Variants in SLC5A4 observed in about 807,000 individuals in gnomAD.
SLC5A4 encodes probable glucose sensor protein SLC5A4.
A neutral mutation model predicts 70.3 loss-of-function variants in SLC5A4; 55 were observed. The observed-to-expected ratio is 0.78, with a 90% confidence interval of 0.63 to 0.98. The LOEUF (loss-of-function observed/expected upper bound fraction) is 0.98, where lower values mean the gene tolerates loss of function less well. Ranked by LOEUF, SLC5A4 falls within the 50% of genes least tolerant of loss-of-function variation. The probability of loss-of-function intolerance (pLI) is 0.00; values close to 1 mark genes in which losing one functional copy is unlikely to be tolerated. For missense variants in SLC5A4, 735 were observed against 839.2 expected, an observed-to-expected ratio of 0.88 and a Z score of 1.53; for synonymous variants, 268 against 305.7, an observed-to-expected ratio of 0.88 and a Z score of 1.29.
At chr22:32,278,443 A>G in the SLC5A4 span, among the ~76,000 whole-genome samples, 1 of 152,284 alleles carries the variant, frequency 6.6e-6, no homozygotes, top group Non-Finnish European at 1.5e-5. Context: ...TTCAAAGTTA[A>G]TAGAATATAT....
At chr22:32,313,854 TGAAG>T in the SLC5A4 span, among the ~76,000 whole-genome samples, 1 of 152,276 alleles carries the variant, frequency 6.6e-6, no homozygotes, top group East Asian at 1.9e-4. Flanking sequence ...TGCATGAGAA[TGAAG>T]GATGCTCACT....
chr22:32,252,411 A>G (rs578125711), intron 2 of SLC5A4, among the ~76,000 whole-genome samples: 1 of 152,266 alleles, frequency 6.6e-6, no homozygotes, highest in Admixed American at 6.5e-5. Context: ...TAAACAATCT[A>G]AGTAAGCATA....
the SLC5A4 span, among the ~76,000 whole-genome samples, chr22:32,286,439 T>A: frequency 6.6e-6 from 1 of 152,196 alleles, no homozygotes; most frequent in African/African-American, 2.4e-5. Context: ...AAGATGAAAG[T>A]AGTTGGATCC....
chr22:32,274,019 G>C, the SLC5A4 span, among the ~76,000 whole-genome samples: 1 of 151,668 alleles, frequency 6.6e-6, no homozygotes, highest in Admixed American at 6.6e-5. Flanking sequence ...GCCACTTTTG[G>C]CATGTTAACA....
At position 32,220,940 on chromosome 22, in the gene SLC5A4, G is replaced by C; in HGVS notation, c.1748C>G (p.Thr583Arg). 6.2e-7 allele frequency: 1 copy of C among 1,612,062 alleles called. No individual in the cohort carries two copies. The highest frequency in any genetic ancestry group is 1.1e-5 in the South Asian group (1 of 91,034). The part of the protein sequence containing the change: ...IDAEEKSQEE[T>R]DDGVEEDYPE... Reference sequence around the variant, plus strand: ...ATTACCTTCTTCAACACCATCATCTGTTTCTTCCTGACTTTTCTCTTCTGC... The same window carrying C: ...ATTACCTTCTTCAACACCATCATCTCTTTCTTCCTGACTTTTCTCTTCTGC... The change falls in exon 14 of 15, where the codon ACA becomes AGA. Residue 583 changes from threonine to arginine, a missense_variant. Thr to Arg is a moderately conservative substitution (Grantham distance 71, BLOSUM62 -1). Coordinates refer to ENST00000266086, the MANE Select transcript of SLC5A4 (RefSeq NM_014227.3).
chr22:32,330,769 T>C, the SLC5A4 span, among the ~76,000 whole-genome samples: 1 of 41,012 alleles, frequency 2.4e-5, no homozygotes. Flanking sequence ...CTGGTGTATG[T>C]GTTGGGGGCT....
At chr22:32,275,387 G>A in the SLC5A4 span, among the ~76,000 whole-genome samples, 67 of 152,158 alleles carry the variant, frequency 4.4e-4, no homozygotes, top group Admixed American at 1.3e-3. Flanking sequence ...CCCATGACAG[G>A]CCCCAGTGTG....
chr22:32,273,410 C>T, the SLC5A4 span: 19 of 166,708 alleles, frequency 1.1e-4, no homozygotes, highest in Middle Eastern at 2.8e-3. Flanking sequence ...GGTACACCTA[C>T]AGGCTGGAGT....
chr22:32,243,275 C>T (rs914309884), intron 5 of SLC5A4, among the ~76,000 whole-genome samples: 3 of 152,094 alleles, frequency 2.0e-5, no homozygotes, highest in Non-Finnish European at 2.9e-5. Context: ...GGACTCTATC[C>T]TTCAAATTGT....
chr22:32,255,185 T>C lies in SLC5A4; in HGVS notation c.135+10A>G, dbSNP rs1457653075. The C allele has an allele frequency of 1.9e-6, 3 of 1,608,904 alleles. No individual in the cohort carries two copies. The highest frequency in any genetic ancestry group is 4.5e-5 in the East Asian group (2 of 44,364). On this transcript the variant is annotated intron_variant, in intron 1 of 14. Coordinates refer to ENST00000266086, the MANE Select transcript of SLC5A4 (RefSeq NM_014227.3). ...GTGCCCACCCTAAAAGCCACTGGGATTCCACCTACCCACAGCCCAACAGCC... is the reference window on the plus strand; with the variant it reads ...GTGCCCACCCTAAAAGCCACTGGGACTCCACCTACCCACAGCCCAACAGCC...
chr22:32,304,246 C>A, the SLC5A4 span, among the ~76,000 whole-genome samples: 1 of 152,202 alleles, frequency 6.6e-6, no homozygotes, highest in African/African-American at 2.4e-5. Flanking sequence ...CCTGCCTCAG[C>A]CTCCCAAATA....
At chr22:32,233,810 T>C (rs1925902275) in intron 8 of SLC5A4, among the ~76,000 whole-genome samples, 1 of 151,126 alleles carries the variant, frequency 6.6e-6, no homozygotes, top group Non-Finnish European at 1.5e-5. Flanking sequence ...TAAAAAATAA[T>C]GTTTTTAAAA....
chr22:32,229,254 A>G lies in SLC5A4; in HGVS notation c.1220T>C (p.Ile407Thr), dbSNP rs748146452. 1.5e-5 allele frequency: 25 copies of G among 1,613,806 alleles called. No homozygotes were observed. The highest frequency in any genetic ancestry group is 5.0e-5 in the Admixed American group (3 of 59,970). ...IFNSASTLFT[I>T]DLYTKMRKQA... ...CTTCCGCATCTTGGTGTAGAGGTCA[A>G]TGGTGAAGAGGGTGCTGGCGCTGTT... Residue 407 changes from isoleucine to threonine, a missense_variant, in exon 11 of 15, where the codon ATT becomes ACT. By Grantham distance (89) the Ile-to-Thr change is moderately conservative. Transcript: ENST00000266086.
chr22:32,267,395 C>G, the SLC5A4 span, among the ~76,000 whole-genome samples: 47 of 152,124 alleles, frequency 3.1e-4, no homozygotes, highest in African/African-American at 1.0e-3. Flanking sequence ...CAGGGGAGAA[C>G]CTAGTGGAGC....
chr22:32,275,310 G>C, the SLC5A4 span, among the ~76,000 whole-genome samples: 14 of 152,078 alleles, frequency 9.2e-5, no homozygotes, highest in African/African-American at 1.4e-4. Context: ...TGCCATGTTG[G>C]TGTGCTGCAC....
the SLC5A4 span, among the ~76,000 whole-genome samples, chr22:32,307,597 C>T: frequency 1.1e-4 from 16 of 152,318 alleles, no homozygotes; most frequent in Non-Finnish European, 8.8e-5. Context: ...TCTTCTAGCT[C>T]GCCTGACTGC....
the SLC5A4 span, chr22:32,269,905 G>A: frequency 3.6e-6 from 2 of 551,660 alleles, no homozygotes; most frequent in Non-Finnish European, 7.2e-6. This position sits in a 1 kb window ranked among gnomAD's most constrained non-coding sequence, Gnocchi z 4.1. Flanking sequence ...TGACAAGGCG[G>A]CCACCAGCGT....
At chr22:32,297,763 T>C in the SLC5A4 span, among the ~76,000 whole-genome samples, 1 of 121,776 alleles carries the variant, frequency 8.2e-6, no homozygotes, top group Admixed American at 8.5e-5. Context: ...CAATTTTGGA[T>C]CTTTCCTGCT....
the SLC5A4 span, among the ~76,000 whole-genome samples, chr22:32,309,863 A>G: frequency 6.6e-6 from 1 of 150,608 alleles, no homozygotes; most frequent in Admixed American, 6.6e-5. Flanking sequence ...TGCACTCTGC[A>G]CCTGCCTTTG....
Sources: gnomAD v4.1 joint callset for allele counts (sites outside exome capture counted in the v4.1 genomes callset) on GRCh38, gnomAD v4.1.1 for gene constraint, Gnocchi (gnomAD v3.1) non-coding constraint, MANE v1.5 for transcripts, NCBI Gene and HGNC (gene_info 2026-07-23, HGNC 2026-07-21) for gene names.